PHLDB2: variants seen among roughly 807,000 people sequenced by gnomAD.
PHLDB2 encodes the protein pleckstrin homology-like domain family B member 2.
A neutral mutation model predicts 123.6 loss-of-function variants in PHLDB2; 71 were observed. The observed-to-expected ratio is 0.57, with a 90% CI of 0.47 to 0.70. PHLDB2 has a LOEUF of 0.70. PHLDB2 is among the 30% of genes least tolerant of loss of function. PHLDB2 has a pLI of 0.00. For synonymous variants in PHLDB2, 547 were observed against 541.6 expected, an observed-to-expected ratio of 1.01 and a Z score of -0.14; for missense variants, 1,446 against 1,519.5, an observed-to-expected ratio of 0.95 and a Z score of 0.80.
At chr3:111,911,942 A>C (rs1416697996) in intron 2 of PHLDB2, among the ~76,000 whole-genome samples, 1 of 152,236 alleles carries the variant, frequency 6.6e-6, no homozygotes, top group Non-Finnish European at 1.5e-5. Flanking sequence ...ACTAATAAAG[A>C]GCTAATTGTC....
chr3:111,938,575 A>G (rs1220128356), intron 6 of PHLDB2, among the ~76,000 whole-genome samples: 1 of 152,144 alleles, frequency 6.6e-6, no homozygotes. Context: ...ATGTTGAGAA[A>G]CTGAAAAAGA....
In PHLDB2 at chr3:111,932,390, T is replaced by G. The variant is rs1288043999; in HGVS notation, c.2123T>G (p.Leu708Arg). ...ATGAGGGAACAGTTACAACAACAAC[T>G]GAAGAGGGTCAGTAGCAAACAGGAA... ...ESMREQLQQQLKRDADLLDVE... is the reference protein window; with the variant it reads ...ESMREQLQQQRKRDADLLDVE... The change falls in exon 6 of 18, where the codon CTG (leucine) becomes CGG (arginine). Residue 708 changes from leucine to arginine, a missense_variant. Coordinates refer to ENST00000431670, the MANE Select transcript of PHLDB2 (RefSeq NM_001134438.2). The G allele has an allele frequency of 1.3e-6, 2 of 1,549,698 alleles. No individual in the cohort carries two copies. Among genetic ancestry groups the G allele is most frequent in the South Asian group, 2.4e-5 (2 of 83,214 alleles).
rs151285192 is a variant in PHLDB2 at position 111,875,190 on chromosome 3, C to T, written c.-14-8874C>T. The stretch of plus-strand genomic sequence containing the variant: ...TTTGCAATGGAGTTTTGCTTGTTGC[C>T]CAGGCTGGAGTGCAATGGCACAATC... On this transcript the variant is annotated intron_variant, in intron 1 of 17. Coordinates refer to ENST00000431670, the MANE Select transcript of PHLDB2 (RefSeq NM_001134438.2). 2.2e-4 allele frequency among the ~76,000 whole-genome samples: 33 copies of T among 151,998 alleles called. No individual in the cohort carries two copies. In the East Asian group the frequency reaches 6.2e-3, roughly 29 times the overall value.
At position 111,920,395 on chromosome 3, in the gene PHLDB2, G is replaced by T. The variant is rs1474468003; in HGVS notation, c.1977G>T (p.Lys659Asn). The change falls in exon 5 of 18, where the codon AAG becomes AAT. Residue 659 changes from lysine to asparagine, a missense_variant. Lys to Asn is a moderately conservative substitution (Grantham distance 94). This residue lies in a region of PHLDB2 where 832 missense variants were observed against 831.9 expected (regional missense o/e 1.00). Coordinates refer to ENST00000431670, the MANE Select transcript of PHLDB2 (RefSeq NM_001134438.2). ...ACCGGAAAATAGCTGAACTGGAAAA[G>T]AACATTGTTGGTGAAAAGACCAAGG... ...HLNRKIAELE[K>N]NIVGEKTKEK... 3.1e-6 allele frequency: 5 copies of T among 1,613,592 alleles called. No individual in the cohort carries two copies. Among genetic ancestry groups the T allele is most frequent in the Non-Finnish European group, 4.2e-6 (5 of 1,179,830 alleles).
At chr3:111,869,709 G>GTGTGTT (rs964156966) in intron 1 of PHLDB2, among the ~76,000 whole-genome samples, 12 of 28,340 alleles carry the variant, frequency 4.2e-4, no homozygotes, top group African/African-American at 5.3e-4. Context: ...CTGTCTCTGT[G>GTGTGTT]TGTGTGTGTG....
intron 3 of PHLDB2, 100 bp from the exon 4 acceptor site, chr3:111,918,972 G>A (rs960313143): frequency 3.2e-5 from 40 of 1,238,176 alleles, no homozygotes; most frequent in Non-Finnish European, 4.6e-5. Flanking sequence ...CATGGGCATG[G>A]AGACTGTGAG....
Position 111,967,723 on chromosome 3 carries a change from C to T in PHLDB2, c.3214C>T (p.Arg1072Ter), listed in dbSNP as rs747726236. ...AKKRALEEEK[R>*]RREILEKRLQ... ...AAAACGAGCCCTGGAAGAAGAAAAA[C>T]GACGCCGGGAAATCCTGGAAAAACG... Residue 1072 changes from arginine to a stop codon, truncating the protein, a stop_gained, in exon 15 of 18, where the codon CGA becomes TGA. Coordinates refer to ENST00000431670, the MANE Select transcript of PHLDB2 (RefSeq NM_001134438.2). LOFTEE classifies it high-confidence loss of function. 22 of 1,611,806 alleles carry T rather than the reference C, an allele frequency of 1.4e-5. No individual in the cohort carries two copies. Among genetic ancestry groups the T allele is most frequent in the South Asian group, 9.9e-5 (9 of 90,764 alleles).
At chr3:111,918,989 G>T in intron 3 of PHLDB2, 83 bp from the exon 4 acceptor site, 2 of 1,422,976 alleles carry the variant, frequency 1.4e-6, no homozygotes, top group South Asian at 2.3e-5. Context: ...TGAGACCCTA[G>T]ACCTGTGGAT....
At chr3:111,824,902 G>A (rs1427833383) in intron 1 of PHLDB2, among the ~76,000 whole-genome samples, 1 of 152,174 alleles carries the variant, frequency 6.6e-6, no homozygotes, top group East Asian at 1.9e-4. Flanking sequence ...CACTCTGCCT[G>A]AGTGTTCTTG....
At chr3:111,918,424 A>T (rs1334465509) in intron 3 of PHLDB2, among the ~76,000 whole-genome samples, 2 of 152,250 alleles carry the variant, frequency 1.3e-5, no homozygotes. Flanking sequence ...ATAGTGCACT[A>T]ACACAAAAGT....
At chr3:111,852,144 C>T (rs190057360) in intron 2 of PHLDB2, among the ~76,000 whole-genome samples, 234 of 151,822 alleles carry the variant, frequency 1.5e-3, no homozygotes, top group Non-Finnish European at 2.9e-3. Flanking sequence ...TAACATTCCT[C>T]ATGTTCTGAA....
intron 5 of PHLDB2, among the ~76,000 whole-genome samples, chr3:111,920,669 T>C (rs920926530): frequency 1.3e-5 from 2 of 152,236 alleles, no homozygotes; most frequent in African/African-American, 4.8e-5. Context: ...AGCTTTATCC[T>C]ACTTGAGATG....
chr3:111,920,489 T>C (rs1403754811), intron 5 of PHLDB2, 70 bp downstream of exon 5: 1 of 1,547,820 alleles, frequency 6.5e-7, no homozygotes, highest in African/African-American at 1.4e-5. Flanking sequence ...TGAATTTAAA[T>C]GTTGAATGCA....
At chr3:111,932,437 CG>C in intron 6 of PHLDB2, 40 bp downstream of exon 6, 1 of 1,522,724 alleles carries the variant, frequency 6.6e-7, no homozygotes, top group South Asian at 1.3e-5. Flanking sequence ...TTTTGCTTTT[CG>C]TTTTTGTTTT....
chr3:111,975,377 T>C lies in PHLDB2; in HGVS notation c.*814T>C, dbSNP rs372620791. The C allele has an allele frequency of 6.6e-6, 1 of 152,178 alleles. No homozygotes were observed. The highest frequency in any genetic ancestry group is 2.4e-5 in the African/African-American group (1 of 41,444). 9.4% of individuals were successfully genotyped at this position (152,178 alleles called of 1,614,324 possible). A position where few individuals can be genotyped will look rare whatever the true frequency, so the allele number is the denominator to read the frequency against. On this transcript the variant is annotated 3_prime_UTR_variant, in exon 18 of 18. Transcript: ENST00000431670. Reference sequence around the variant, plus strand: ...AACAATTTTAAATAAAGAGAATATCTGGTGTTAGGAGCTTGTTTTGCTGAA... The same window carrying C: ...AACAATTTTAAATAAAGAGAATATCCGGTGTTAGGAGCTTGTTTTGCTGAA...
chr3:111,782,583 C>T (rs1443759561), intron 1 of PHLDB2, among the ~76,000 whole-genome samples: 1 of 152,094 alleles, frequency 6.6e-6, no homozygotes, highest in African/African-American at 2.4e-5. Context: ...TCAGTTTAAA[C>T]ATCACTTATG....
At chr3:111,865,619 A>T (rs564233608) in intron 1 of PHLDB2, among the ~76,000 whole-genome samples, 71 of 152,284 alleles carry the variant, frequency 4.7e-4, no homozygotes, top group African/African-American at 1.7e-3. Flanking sequence ...CGTGCTCCAG[A>T]TCTTAGTTCT....
At chr3:111,954,507 T>G (rs141330493) in intron 12 of PHLDB2, among the ~76,000 whole-genome samples, 13 of 152,340 alleles carry the variant, frequency 8.5e-5, no homozygotes, top group African/African-American at 2.2e-4. Flanking sequence ...GCTTTTATAC[T>G]TCATAGTTGT....
chr3:111,861,055 G>A (rs1253703449), intron 1 of PHLDB2, among the ~76,000 whole-genome samples: 2 of 152,236 alleles, frequency 1.3e-5, no homozygotes, highest in South Asian at 4.1e-4. Flanking sequence ...ATCTAAATGA[G>A]GTCCACAGTT....
Sources: gnomAD v4.1 joint callset for allele counts (sites outside exome capture counted in the v4.1 genomes callset) on GRCh38, gnomAD v4.1.1 for gene constraint, gnomAD v4.1.1 regional missense constraint, MANE v1.5 for transcripts, NCBI Gene and HGNC (gene_info 2026-07-23, HGNC 2026-07-21) for gene names.